Variants in POGK observed in about 807,000 individuals in gnomAD.
POGK encodes the protein pogo transposable element with KRAB domain.
A neutral mutation model predicts 54.4 loss-of-function variants in POGK; 16 were observed. The observed-to-expected ratio is 0.29, with a 90% CI of 0.20 to 0.45. The LOEUF is 0.45. Ranked by LOEUF, POGK falls within the 20% of genes least tolerant of loss-of-function variation. The pLI is 1.00. For missense variants in POGK, 515 were observed against 795.6 expected (o/e 0.65, Z 4.24); for synonymous variants, 271 against 302.2 (o/e 0.90, Z 1.07).
chr1:166,846,773 C>G (rs1657866354), intron 3 of POGK, 35 bp downstream of exon 3: 18 of 1,612,472 alleles, frequency 1.1e-5, no homozygotes, highest in Non-Finnish European at 1.5e-5. Flanking sequence ...CCTGGAAGCT[C>G]TGAGCCCAGA....
chr1:166,841,087 G>C lies in POGK; in HGVS notation c.131G>C (p.Trp44Ser). The C allele has an allele frequency of 6.2e-7, 1 of 1,613,564 alleles. No individual in the cohort carries two copies. The highest frequency in any genetic ancestry group is 8.5e-7 in the Non-Finnish European group (1 of 1,179,892). ...GTACGAATCTGCTCTGAGGGCGGATGGGTAAGTAAGAAGGTGTGGAGTCCA... is the reference window on the plus strand; with the variant it reads ...GTACGAATCTGCTCTGAGGGCGGATCGGTAAGTAAGAAGGTGTGGAGTCCA... ...QKVRICSEGG[W>S]VPALFDEVAI... The change falls in exon 2 of 6, where the codon TGG (tryptophan) becomes TCG (serine). Residue 44 changes from tryptophan to serine, a missense_variant and splice_region_variant. By Grantham distance (177) the Trp-to-Ser change is radical. This residue lies in a region of POGK where 54 missense variants were observed against 52.0 expected (regional missense o/e 1.04). Transcript: ENST00000367876.
intron 3 of POGK, 150 bp from the exon 4 acceptor site, chr1:166,847,344 A>C (rs1657889213): frequency 1.7e-6 from 1 of 598,498 alleles, no homozygotes. Flanking sequence ...ATTTTCCATT[A>C]TCTTTTTTCT....
At chr1:166,842,811 A>G (rs575060001) in intron 2 of POGK, among the ~76,000 whole-genome samples, 14 of 152,242 alleles carry the variant, frequency 9.2e-5, no homozygotes, top group Admixed American at 5.2e-4. Context: ...GAGCTGCTAG[A>G]TATCTACAGT....
In POGK at chr1:166,852,775, A is replaced by C. The variant is rs1409809398; in HGVS notation, c.*205A>C. The C allele has an allele frequency of 6.6e-6, 1 of 152,316 alleles. No individual in the cohort carries two copies. The highest frequency in any genetic ancestry group is 2.4e-5 in the African/African-American group (1 of 41,472). The allele number at this position is 152,316 out of a possible 1,614,324, so 9.4% of individuals were successfully genotyped here. The stretch of plus-strand genomic sequence containing the variant: ...AGCCCCTCCCCACACCATACAAGGT[A>C]TCAGAAAAGTCTAGGACCTATCATT... On this transcript the variant is annotated 3_prime_UTR_variant, in exon 6 of 6. Coordinates refer to ENST00000367876, the MANE Select transcript of POGK (RefSeq NM_017542.5).
chr1:166,840,254 A>T (rs1214219117), intron 1 of POGK: 1 of 152,178 alleles, frequency 6.6e-6, no homozygotes, highest in African/African-American at 2.4e-5. Context: ...CGAATAGAGA[A>T]TTTGCAGCCC....
intron 2 of POGK, among the ~76,000 whole-genome samples, chr1:166,846,081 C>G (rs1390140654): frequency 6.6e-6 from 1 of 152,172 alleles, no homozygotes; most frequent in Non-Finnish European, 1.5e-5. Flanking sequence ...GGTTAGTACC[C>G]TTGGAAATGC....
chr1:166,850,702 A>C, intron 5 of POGK: 3 of 311,614 alleles, frequency 9.6e-6, no homozygotes, highest in Middle Eastern at 9.4e-4. Flanking sequence ...AGGAGCACAA[A>C]CCCTGTTGTG....
At chr1:166,842,833 C>T (rs1476812227) in intron 2 of POGK, among the ~76,000 whole-genome samples, 1 of 151,830 alleles carries the variant, frequency 6.6e-6, no homozygotes. Flanking sequence ...CACAGGATGC[C>T]CCCCCACCAC....
intron 1 of POGK, 50 bp from the exon 2 acceptor site, chr1:166,840,905 G>T: frequency 6.2e-7 from 1 of 1,607,824 alleles, no homozygotes; most frequent in Admixed American, 1.7e-5. Context: ...ATAGGCTTTG[G>T]GGAGGTCACA....
rs773691171 is a variant in POGK, at chr1:166,849,322, G to A, written c.743G>A (p.Arg248Gln). 5.6e-6 allele frequency: 9 copies of A among 1,614,072 alleles called. No homozygotes were observed. In the Admixed American group the frequency reaches 6.7e-5, roughly 12 times the overall value. Residue 248 changes from arginine (R) to glutamine (Q), a missense_variant, in exon 5 of 6, where the codon CGG (arginine) becomes CAG (glutamine). Arg to Gln is a conservative substitution (Grantham distance 43). Around this residue, in one of 2 missense-constraint regions of POGK, gnomAD observed 461 missense variants for 743.5 expected, o/e 0.62. Coordinates refer to ENST00000367876, the MANE Select transcript of POGK (RefSeq NM_017542.5). ...CAGCTTCAAAACGCCCACGCCATGC[G>A]GCGGGCATTCCGAGGCCCCAAGAAT... is the stretch of plus-strand genomic sequence containing the variant. ...KPQLQNAHAMRRAFRGPKNGR... is the reference protein window; with the variant it reads ...KPQLQNAHAMQRAFRGPKNGR...
chr1:166,841,042 GC>G lies in POGK; in HGVS notation c.89del (p.Pro30ArgfsTer35). The G allele has an allele frequency of 6.2e-7, 1 of 1,614,056 alleles. No individual in the cohort carries two copies. The highest frequency in any genetic ancestry group is 8.5e-7 in the Non-Finnish European group (1 of 1,179,986). Reference sequence around the variant, plus strand: ...ATTCAGAGCCGGGAACTAGAGGACGGCCCGGCAGACATGCAGAAAGTACGAA... The same window carrying G: ...ATTCAGAGCCGGGAACTAGAGGACGGCCGGCAGACATGCAGAAAGTACGAA... ...EEIQSRELED[G>X]PADMQKVRIC... On this transcript the variant is annotated frameshift_variant, in exon 2 of 6. Coordinates refer to ENST00000367876, the MANE Select transcript of POGK (RefSeq NM_017542.5). LOFTEE classifies it high-confidence loss of function.
rs772385405 is a variant in POGK at position 166,849,634 on chromosome 1, C to T, written c.1055C>T (p.Ala352Val). 6.2e-6 allele frequency: 10 copies of T among 1,614,138 alleles called. No individual in the cohort carries two copies. Among genetic ancestry groups the T allele is most frequent in the East Asian group, 2.2e-5 (1 of 44,890 alleles). Residue 352 changes from alanine to valine, a missense_variant, in exon 5 of 6, where the codon GCG becomes GTG. Around this residue, in one of 2 missense-constraint regions of POGK, gnomAD observed 461 missense variants for 743.5 expected, o/e 0.62. Transcript: ENST00000367876. Reference sequence around the variant, plus strand: ...CGCAGTGTCCTGGCTCTGCGCAGGGCGCATGACTATGAGGTAGCTCAGATG... The same window carrying T: ...CGCAGTGTCCTGGCTCTGCGCAGGGTGCATGACTATGAGGTAGCTCAGATG... ...YQRSVLALRR[A>V]HDYEVAQMGN...
rs753341749 is a variant in POGK at position 166,853,446 on chromosome 1, C to T, written c.*876C>T. On this transcript the variant is annotated 3_prime_UTR_variant, in exon 6 of 6. Transcript: ENST00000367876. ...CATGGTACAAGGCCCATTGACTCAT[C>T]TGATGCTTGTTTTGTTAATTTCTTT... 2 of 152,566 alleles carry T rather than the reference C, an allele frequency of 1.3e-5. No individual in the cohort carries two copies. Among genetic ancestry groups the T allele is most frequent in the Non-Finnish European group, 2.9e-5 (2 of 68,026 alleles). 9.5% of individuals were successfully genotyped at this position (152,566 alleles called of 1,614,324 possible). A position where few individuals can be genotyped will look rare whatever the true frequency, so the allele number is the denominator to read the frequency against.
chr1:166,850,549 G>C, intron 5 of POGK, 126 bp downstream of exon 5: 1 of 1,151,886 alleles, frequency 8.7e-7, no homozygotes, highest in Non-Finnish European at 1.2e-6. Context: ...TGTAGATCAG[G>C]GGTCCCCAAC....
chr1:166,840,866 G>C, intron 1 of POGK, 89 bp from the exon 2 acceptor site: 1 of 1,531,902 alleles, frequency 6.5e-7, no homozygotes, highest in Non-Finnish European at 8.9e-7. Context: ...GGGCTAAAGA[G>C]GTTTGTATGT....
In POGK at chr1:166,847,598, A is replaced by G. The variant is rs749474655; in HGVS notation, c.358+6A>G. On this transcript the variant is annotated splice_donor_region_variant and intron_variant, in intron 4 of 5. Transcript: ENST00000367876. ...CCAAGGAGGCACCTCTGCAGGTACTACAAGTAAAGCAGTTCAGCGTCCATC... is the reference window on the plus strand; with the variant it reads ...CCAAGGAGGCACCTCTGCAGGTACTGCAAGTAAAGCAGTTCAGCGTCCATC... The G allele has an allele frequency of 3.1e-6, 5 of 1,607,970 alleles. No homozygotes were observed. The highest frequency in any genetic ancestry group is 2.2e-5 in the East Asian group (1 of 44,858).
chr1:166,849,013 A>G lies in POGK; in HGVS notation c.434A>G (p.Gln145Arg), dbSNP rs768449678. 6.2e-7 allele frequency: 1 copy of G among 1,614,166 alleles called. No homozygotes were observed. Among genetic ancestry groups the G allele is most frequent in the Admixed American group, 1.7e-5 (1 of 60,022 alleles). ...GCTACCTCCCAGTTTCCTCAGCCTC[A>G]GCACTTTGACAGCTTTGGCCTCCGT... ...MNATSQFPQP[Q>R]HFDSFGLRLP... Residue 145 changes from glutamine to arginine, a missense_variant, in exon 5 of 6, where the codon CAG (glutamine) becomes CGG (arginine). This residue lies in a region of POGK where 461 missense variants were observed against 743.5 expected (regional missense o/e 0.62). Coordinates refer to ENST00000367876, the MANE Select transcript of POGK (RefSeq NM_017542.5).
intron 4 of POGK, 72 bp from the exon 5 acceptor site, chr1:166,848,866 A>G: frequency 1.3e-6 from 2 of 1,499,550 alleles, no homozygotes; most frequent in Non-Finnish European, 1.8e-6. Flanking sequence ...TAGCATTTCA[A>G]CCCCCAAAAA....
intron 2 of POGK, among the ~76,000 whole-genome samples, chr1:166,842,942 A>G (rs1657575333): frequency 6.6e-6 from 1 of 152,174 alleles, no homozygotes; most frequent in Non-Finnish European, 1.5e-5. Flanking sequence ...ATTAGAAGAA[A>G]AGAATCTGTT....
Sources: allele counts gnomAD v4.1 joint callset (sites outside exome capture counted in the v4.1 genomes callset), GRCh38; gene constraint gnomAD v4.1.1; regional missense constraint gnomAD v4.1.1; transcripts MANE v1.5; gene names NCBI Gene and HGNC (gene_info 2026-07-23, HGNC 2026-07-21).